The following GLCCI1 variants were observed in gnomAD, a reference collection of about 807,000 sequenced individuals.
The protein encoded by GLCCI1 is glucocorticoid induced 1, also known as glucocorticoid-induced transcript 1 protein.
GLCCI1 carries 24 observed loss-of-function variants against 52.2 expected under a neutral mutation model. The ratio of observed to expected loss-of-function variants is 0.46; its 90% confidence interval spans 0.33 to 0.65. GLCCI1 has a LOEUF of 0.65. Among genes scored for constraint, GLCCI1 ranks in the 30% least tolerant of loss-of-function variants. GLCCI1 has a pLI of 0.02. For synonymous variants in GLCCI1, 310 were observed against 276.5 expected, an observed-to-expected ratio of 1.12 and a Z score of -1.20; for missense variants, 704 against 701.5, an observed-to-expected ratio of 1.00 and a Z score of -0.04.
At chr7:7,981,054 G>A (rs749603063) in intron 1 of GLCCI1, 33 of 478,116 alleles carry the variant, frequency 6.9e-5, no homozygotes, top group Non-Finnish European at 1.3e-4. Flanking sequence ...CTAAAACTCA[G>A]GCTTTACTTT....
At chr7:8,065,184 G>A (rs1232943440) in intron 5 of GLCCI1, among the ~76,000 whole-genome samples, 1 of 152,100 alleles carries the variant, frequency 6.6e-6, no homozygotes, top group African/African-American at 2.4e-5. Flanking sequence ...GAATGTGATT[G>A]TGTTCTGTAT....
In GLCCI1 at chr7:8,086,587, AT is replaced by A. The variant is rs764038981; in HGVS notation, c.*52del. On this transcript the variant is annotated 3_prime_UTR_variant, in exon 8 of 8. Transcript: ENST00000223145. This position sits in a 1 kb window ranked among gnomAD's most constrained non-coding sequence, Gnocchi z 4.4. ...CTATGTTCCATGGATTCGGAACAAG[AT>A]TTCAGACATCTGCATGAGTGACAAA... 9.1e-5 allele frequency: 129 copies of A among 1,425,404 alleles called. No homozygotes were observed. The highest frequency in any genetic ancestry group is 1.2e-4 in the Non-Finnish European group (128 of 1,049,158). The allele number at this position is 1,425,404 out of a possible 1,614,324, so 88.3% of individuals were successfully genotyped here. A position where few individuals can be genotyped will look rare whatever the true frequency, so the allele number is the denominator to read the frequency against.
At chr7:7,995,291 T>C (rs1780917338) in intron 1 of GLCCI1, among the ~76,000 whole-genome samples, 1 of 152,114 alleles carries the variant, frequency 6.6e-6, no homozygotes, top group Non-Finnish European at 1.5e-5. Flanking sequence ...GGCAAATCAT[T>C]TGAGCCCAGG....
chr7:7,987,085 CA>C (rs543733934), intron 1 of GLCCI1, among the ~76,000 whole-genome samples: 1 of 151,968 alleles, frequency 6.6e-6, no homozygotes, highest in African/African-American at 2.4e-5. Context: ...AAAAACAAAA[CA>C]AAAAAACCCC....
At chr7:8,067,526 G>A (rs1467690313) in intron 5 of GLCCI1, among the ~76,000 whole-genome samples, 1 of 152,144 alleles carries the variant, frequency 6.6e-6, no homozygotes, top group African/African-American at 2.4e-5. Flanking sequence ...TTCCTTTCCA[G>A]ATTTAGCAGT....
intron 2 of GLCCI1, among the ~76,000 whole-genome samples, chr7:8,009,572 G>A (rs1340319336): frequency 6.6e-6 from 1 of 152,096 alleles, no homozygotes; most frequent in African/African-American, 2.4e-5. Flanking sequence ...ACTTGATTTG[G>A]GAAGATGCTT....
At chr7:8,065,279 T>C (rs1364204293) in intron 5 of GLCCI1, among the ~76,000 whole-genome samples, 1 of 152,184 alleles carries the variant, frequency 6.6e-6, no homozygotes, top group African/African-American at 2.4e-5. Flanking sequence ...GCTGAAGTTG[T>C]TTATCAGATC....
rs1398546602 is a variant in GLCCI1, at chr7:8,086,679, C to A, written c.*141C>A. On this transcript the variant is annotated 3_prime_UTR_variant, in exon 8 of 8. Coordinates refer to ENST00000223145, the MANE Select transcript of GLCCI1 (RefSeq NM_138426.4). This position sits in a 1 kb window ranked among gnomAD's most constrained non-coding sequence, Gnocchi z 4.4. ...CATAAAGTATCTCTTAAACACTGATCTTGGCAGGGACGGAACTCCTATTCA... is the reference window on the plus strand; with the variant it reads ...CATAAAGTATCTCTTAAACACTGATATTGGCAGGGACGGAACTCCTATTCA... 3 of 716,776 alleles carry A rather than the reference C, an allele frequency of 4.2e-6. No homozygotes were observed. The highest frequency in any genetic ancestry group is 1.8e-5 in the African/African-American group (1 of 56,234). The allele number at this position is 716,776 out of a possible 1,614,324, so 44.4% of individuals were successfully genotyped here.
At chr7:8,074,247 A>G (rs1340734582) in intron 6 of GLCCI1, among the ~76,000 whole-genome samples, 1 of 23,468 alleles carries the variant, frequency 4.3e-5, no homozygotes, top group African/African-American at 1.3e-4. Context: ...TTATAAATAC[A>G]CTATTATACA....
intron 2 of GLCCI1, among the ~76,000 whole-genome samples, chr7:8,012,204 C>T (rs866368102): frequency 6.6e-6 from 1 of 151,962 alleles, no homozygotes; most frequent in Non-Finnish European, 1.5e-5. Flanking sequence ...CTTTGATTTT[C>T]GATTTGTATT....
intron 3 of GLCCI1, among the ~76,000 whole-genome samples, chr7:8,034,885 G>T (rs1332817033): frequency 1.3e-5 from 2 of 152,162 alleles, no homozygotes; most frequent in East Asian, 3.9e-4. Context: ...ACACTGGTGT[G>T]GGTGGTGATT....
At chr7:8,041,229 G>A (rs1376195203) in intron 3 of GLCCI1, among the ~76,000 whole-genome samples, 1 of 152,192 alleles carries the variant, frequency 6.6e-6, no homozygotes, top group Non-Finnish European at 1.5e-5. Flanking sequence ...ATTCCCTTAA[G>A]CCAAAGCTTA....
intron 2 of GLCCI1, among the ~76,000 whole-genome samples, chr7:8,007,072 C>T (rs1781166453): frequency 1.3e-5 from 2 of 152,132 alleles, no homozygotes; most frequent in Admixed American, 1.3e-4. Flanking sequence ...GGTCTCTTAT[C>T]CCATGGGGAG....
At chr7:8,009,945 T>G (rs34475980) in intron 2 of GLCCI1, among the ~76,000 whole-genome samples, 2 of 151,890 alleles carry the variant, frequency 1.3e-5, no homozygotes, top group African/African-American at 4.8e-5. Context: ...GTTTTTTTTT[T>G]TCTTAGAGTT....
chr7:8,021,147 T>C (rs1039725189), intron 2 of GLCCI1, among the ~76,000 whole-genome samples: 7 of 152,314 alleles, frequency 4.6e-5, no homozygotes, highest in African/African-American at 1.7e-4. Flanking sequence ...TTTTAAGACG[T>C]GGTGATTATT....
At chr7:8,038,114 C>T (rs1781909149) in intron 3 of GLCCI1, among the ~76,000 whole-genome samples, 1 of 152,140 alleles carries the variant, frequency 6.6e-6, no homozygotes, top group African/African-American at 2.4e-5. Context: ...TGGAACAGAA[C>T]ACCAATGAAG....
rs1416306382 is a variant in GLCCI1, at chr7:8,088,795, A to AT, written c.*2258dup. ...TGTGTTGTACATTTGTTCTTAGCAT[A>AT]TATTAAAGTTTTGAACCAAATGTGT... On this transcript the variant is annotated 3_prime_UTR_variant, in exon 8 of 8. Transcript: ENST00000223145. The AT allele has an allele frequency of 6.6e-6, 1 of 152,662 alleles. No individual in the cohort carries two copies. The highest frequency in any genetic ancestry group is 2.4e-5 in the African/African-American group (1 of 41,464). The allele number at this position is 152,662 out of a possible 1,614,324, so 9.5% of individuals were successfully genotyped here. A position where few individuals can be genotyped will look rare whatever the true frequency, so the allele number is the denominator to read the frequency against.
chr7:8,035,700 G>T (rs1170308950), intron 3 of GLCCI1, among the ~76,000 whole-genome samples: 2 of 152,168 alleles, frequency 1.3e-5, no homozygotes, highest in Non-Finnish European at 2.9e-5. Context: ...ACAGCTCTTG[G>T]CTACACTGCA....
chr7:8,026,239 A>T (rs1469628481), intron 3 of GLCCI1, among the ~76,000 whole-genome samples: 3 of 152,212 alleles, frequency 2.0e-5, no homozygotes, highest in Non-Finnish European at 2.9e-5. Flanking sequence ...GCAGTTGCTA[A>T]GTTACTAAGA....
Sources: gnomAD v4.1 joint callset for allele counts (sites outside exome capture counted in the v4.1 genomes callset) on GRCh38, gnomAD v4.1.1 for gene constraint, Gnocchi (gnomAD v3.1) non-coding constraint, MANE v1.5 for transcripts, NCBI Gene and HGNC (gene_info 2026-07-23, HGNC 2026-07-21) for gene names.